Variants in COL14A1 observed in about 807,000 individuals in gnomAD.
COL14A1 encodes collagen type XIV alpha 1 chain.
In COL14A1, 136 loss-of-function variants were observed where a neutral mutation model predicts 230.3. That is an observed-to-expected ratio of 0.59 (90% CI 0.51 to 0.68). The LOEUF is 0.68. COL14A1 is among the 30% of genes least tolerant of loss of function. COL14A1 has a pLI of 0.00. For synonymous variants in COL14A1, 792 were observed against 784.1 expected (o/e 1.01, Z -0.17); for missense variants, 1,976 against 2,215.8 (o/e 0.89, Z 2.17).
chr8:120,132,867 C>T (rs1814578627), intron 1 of COL14A1, among the ~76,000 whole-genome samples: 1 of 151,998 alleles, frequency 6.6e-6, no homozygotes, highest in Non-Finnish European at 1.5e-5. Flanking sequence ...GAACTCTCCC[C>T]ATGGTTTTGC....
chr8:120,268,979 C>T (rs1172129376), intron 25 of COL14A1, among the ~76,000 whole-genome samples: 1 of 151,744 alleles, frequency 6.6e-6, no homozygotes, highest in Non-Finnish European at 1.5e-5. Flanking sequence ...AATCGCAGAA[C>T]TCAACCTTAT....
intron 45 of COL14A1, among the ~76,000 whole-genome samples, chr8:120,361,996 G>A (rs1823237882): frequency 6.6e-6 from 1 of 152,232 alleles, no homozygotes; most frequent in Non-Finnish European, 1.5e-5. Context: ...AAGCATCTGA[G>A]GAAATGTGGT....
Position 120,250,835 on chromosome 8 carries a change from T to A in COL14A1, c.2752+69T>A, listed in dbSNP as rs997634312. 5.8e-6 allele frequency: 9 copies of A among 1,546,778 alleles called. No homozygotes were observed. The South Asian group carries it at 9.2e-5, about 16-fold the overall frequency. ...TTTTGTTTTGTTTTTTGAGATGGAG[T>A]CTCGCTCTGTCGCTCAGGCTGGAGT... On this transcript the variant is annotated intron_variant, in intron 22 of 47. Coordinates refer to ENST00000297848, the MANE Select transcript of COL14A1 (RefSeq NM_021110.4).
intron 21 of COL14A1, among the ~76,000 whole-genome samples, chr8:120,248,572 G>C (rs1199819834): frequency 6.6e-6 from 1 of 152,178 alleles, no homozygotes; most frequent in African/African-American, 2.4e-5. Flanking sequence ...AACATTTTCT[G>C]CTGGCTGGGT....
chr8:120,370,278 T>C (rs900844760), intron 47 of COL14A1: 17 of 1,560,672 alleles, frequency 1.1e-5, no homozygotes, highest in African/African-American at 1.4e-5. Flanking sequence ...TGCTGATGTG[T>C]TTTTCTCTGT....
At chr8:120,222,330 C>T (rs2130793979) in intron 14 of COL14A1, among the ~76,000 whole-genome samples, 1 of 152,336 alleles carries the variant, frequency 6.6e-6, no homozygotes, top group South Asian at 2.1e-4. Flanking sequence ...TTTCAATTAA[C>T]CATTGCCGTG....
At chr8:120,237,727 G>T (rs79806422) in intron 19 of COL14A1, among the ~76,000 whole-genome samples, 4,229 of 152,194 alleles carry the variant, frequency 0.028, 76 homozygotes, top group Admixed American at 0.034. Context: ...TTTTATGTTG[G>T]TTTTTTTCTC....
chr8:120,332,120 T>A, intron 40 of COL14A1, 21 bp from the exon 41 acceptor site: 1 of 1,613,480 alleles, frequency 6.2e-7, no homozygotes, highest in South Asian at 1.1e-5. Flanking sequence ...CTTGCTGACA[T>A]GCTGTGTTTC....
In COL14A1 at chr8:120,342,499, AAG is replaced by A. The variant is rs1822340902; in HGVS notation, c.4888+58_4888+59del. ...TTCCCCATAACAAACTCTCATCCAAAAGAGAGTTTCTTTTCCCATGAGCGTAC... is the reference window on the plus strand; with the variant it reads ...TTCCCCATAACAAACTCTCATCCAAAAGAGTTTCTTTTCCCATGAGCGTAC... On this transcript the variant is annotated intron_variant, in intron 44 of 47. Transcript: ENST00000297848. 5.8e-6 allele frequency: 9 copies of A among 1,557,576 alleles called. No homozygotes were observed. The Admixed American group carries it at 1.0e-4, about 17-fold the overall frequency.
At chr8:120,193,250 G>A (rs1458365025) in intron 5 of COL14A1, among the ~76,000 whole-genome samples, 2 of 152,206 alleles carry the variant, frequency 1.3e-5, no homozygotes, top group African/African-American at 4.8e-5. Flanking sequence ...CTGTTTGTTA[G>A]TTTTCCTTCT....
intron 23 of COL14A1, among the ~76,000 whole-genome samples, chr8:120,261,776 T>C (rs1416742719): frequency 6.6e-6 from 1 of 152,186 alleles, no homozygotes; most frequent in Non-Finnish European, 1.5e-5. Flanking sequence ...CTATGCTATG[T>C]AAGCACCATG....
intron 5 of COL14A1, among the ~76,000 whole-genome samples, chr8:120,168,600 G>A (rs1047749453): frequency 6.6e-6 from 1 of 152,136 alleles, no homozygotes; most frequent in African/African-American, 2.4e-5. Flanking sequence ...TAAATTCAAA[G>A]CCTGCCTTTA....
intron 1 of COL14A1, among the ~76,000 whole-genome samples, chr8:120,141,716 ATGT>A (rs1218572434): frequency 2.0e-5 from 3 of 152,202 alleles, no homozygotes; most frequent in African/African-American, 7.2e-5. Flanking sequence ...GCAATATTAC[ATGT>A]TAAGTATTGC....
At chr8:120,291,578 A>AAC (rs1563720996) in intron 34 of COL14A1, among the ~76,000 whole-genome samples, 1 of 151,020 alleles carries the variant, frequency 6.6e-6, no homozygotes, top group African/African-American at 2.4e-5. Context: ...AAAAAAAAAA[A>AAC]AAACCAAAAA....
At chr8:120,148,379 C>T (rs1329041418) in intron 2 of COL14A1, among the ~76,000 whole-genome samples, 2 of 152,254 alleles carry the variant, frequency 1.3e-5, no homozygotes, top group African/African-American at 4.8e-5. Context: ...GATCTGCCCA[C>T]CTCGGCCTCC....
upstream of COL14A1, among the ~76,000 whole-genome samples, chr8:120,124,917 G>T (rs1814268707): frequency 6.6e-6 from 1 of 152,206 alleles, no homozygotes; most frequent in Admixed American, 6.5e-5. Flanking sequence ...CGCCAGGTTC[G>T]GGGTAGGCGA....
At position 120,162,484 on chromosome 8, in the gene COL14A1, C is replaced by T. The variant is rs780764836; in HGVS notation, c.264C>T (p.Gly88=). 1.2e-5 allele frequency: 19 copies of T among 1,612,636 alleles called. No individual in the cohort carries two copies. The East Asian group carries it at 3.8e-4, about 32-fold the overall frequency. ...CTGCAACTAAAGCAATTATTCAAGGCCTTATGCCAGACCAGAATTACACAG... is the reference window on the plus strand; with the variant it reads ...CTGCAACTAAAGCAATTATTCAAGGTCTTATGCCAGACCAGAATTACACAG... The part of the protein sequence containing the change: ...QNTATKAIIQ[G]LMPDQNYTVQ... Residue 88 remains glycine, a synonymous_variant, in exon 4 of 48, where the codon GGC becomes GGT. Transcript: ENST00000297848.
chr8:120,189,127 T>C (rs954730948), intron 5 of COL14A1, among the ~76,000 whole-genome samples: 1 of 152,234 alleles, frequency 6.6e-6, no homozygotes. Context: ...TTAAGGTATA[T>C]GATTATTGAA....
chr8:120,287,390 A>G (rs1223056440), intron 33 of COL14A1, among the ~76,000 whole-genome samples: 3 of 152,152 alleles, frequency 2.0e-5, no homozygotes, highest in Non-Finnish European at 4.4e-5. Context: ...TCCTCTTGGC[A>G]TGTTTATTTT....
Sources: gnomAD v4.1 joint callset for allele counts (sites outside exome capture counted in the v4.1 genomes callset) on GRCh38, gnomAD v4.1.1 for gene constraint, MANE v1.5 for transcripts, NCBI Gene and HGNC (gene_info 2026-07-23, HGNC 2026-07-21) for gene names.